Variants in HCN1 observed in about 807,000 individuals in gnomAD.
The protein encoded by HCN1 is hyperpolarization activated cyclic nucleotide gated potassium channel 1, also known as potassium/sodium hyperpolarization-activated cyclic nucleotide-gated channel 1.
Under a neutral mutation model 78.9 loss-of-function variants are expected in HCN1, and 13 were observed. The ratio of observed to expected loss-of-function variants is 0.16; its 90% CI spans 0.11 to 0.26. HCN1 has a LOEUF of 0.26. Among genes scored for constraint, HCN1 ranks in the 10% least tolerant of loss-of-function variants. HCN1 has a pLI of 1.00. For synonymous variants in HCN1, 552 were observed against 455.5 expected, an observed-to-expected ratio of 1.21 and a Z score of -2.70; for missense variants, 810 against 1,154.3, an observed-to-expected ratio of 0.70 and a Z score of 4.32.
intron 2 of HCN1, among the ~76,000 whole-genome samples, chr5:45,493,558 T>C (rs543235433): frequency 1.3e-5 from 2 of 152,182 alleles, no homozygotes; most frequent in Admixed American, 1.3e-4. Context: ...TATTTACCAA[T>C]GTATTTCAAT....
At chr5:45,485,820 A>G (rs2111686405) in intron 2 of HCN1, among the ~76,000 whole-genome samples, 1 of 152,284 alleles carries the variant, frequency 6.6e-6, no homozygotes, top group South Asian at 2.1e-4. Context: ...AGGTCACTAA[A>G]GAAGCATCAA....
intron 5 of HCN1, among the ~76,000 whole-genome samples, chr5:45,337,767 A>G (rs1746494164): frequency 6.6e-6 from 1 of 152,124 alleles, no homozygotes; most frequent in Non-Finnish European, 1.5e-5. Context: ...AATGACTGAG[A>G]GGGAACTAAT....
chr5:45,425,776 A>G (rs1247872454), intron 3 of HCN1, among the ~76,000 whole-genome samples: 1 of 152,240 alleles, frequency 6.6e-6, no homozygotes, highest in Admixed American at 6.5e-5. Context: ...ATTGATTAAG[A>G]GATTTTACCG....
intron 2 of HCN1, among the ~76,000 whole-genome samples, chr5:45,512,451 T>C (rs1304550806): frequency 6.6e-6 from 1 of 152,150 alleles, no homozygotes; most frequent in East Asian, 1.9e-4. Context: ...ATAGGGCTAC[T>C]TTCCAGACCT....
chr5:45,629,360 C>T (rs1318064578), intron 2 of HCN1, among the ~76,000 whole-genome samples: 2 of 152,200 alleles, frequency 1.3e-5, no homozygotes, highest in East Asian at 3.9e-4. Flanking sequence ...TTGACTATTA[C>T]AGAACATTCT....
At chr5:45,669,178 A>G (rs1580037895) in intron 1 of HCN1, among the ~76,000 whole-genome samples, 1 of 151,988 alleles carries the variant, frequency 6.6e-6, no homozygotes, top group East Asian at 1.9e-4. Context: ...AGAGAGTTAG[A>G]GCAACTTTAA....
chr5:45,316,810 C>A (rs957407848), intron 5 of HCN1, among the ~76,000 whole-genome samples: 1 of 152,154 alleles, frequency 6.6e-6, no homozygotes, highest in Non-Finnish European at 1.5e-5. Context: ...AACTCCCATT[C>A]ACAATTGCTT....
chr5:45,425,933 T>C (rs574161535), intron 3 of HCN1, among the ~76,000 whole-genome samples: 1 of 152,132 alleles, frequency 6.6e-6, no homozygotes, highest in Non-Finnish European at 1.5e-5. Flanking sequence ...ATAAAAAGCA[T>C]ATAACAAACT....
chr5:45,286,043 A>G (rs1295990395), intron 6 of HCN1, among the ~76,000 whole-genome samples: 6 of 151,940 alleles, frequency 3.9e-5, no homozygotes, highest in Non-Finnish European at 7.4e-5. Context: ...AGTTTCTAAG[A>G]TTCTCAGAAA....
chr5:45,511,878 T>A (rs1579941047), intron 2 of HCN1, among the ~76,000 whole-genome samples: 1 of 152,060 alleles, frequency 6.6e-6, no homozygotes, highest in Non-Finnish European at 1.5e-5. Flanking sequence ...TGTTAATAAA[T>A]AGAAGAAACT....
At chr5:45,295,477 G>T (rs1344789341) in intron 6 of HCN1, among the ~76,000 whole-genome samples, 3 of 151,980 alleles carry the variant, frequency 2.0e-5, no homozygotes, top group African/African-American at 7.2e-5. Context: ...CCTCTGCTAA[G>T]AAGACTGGAT....
chr5:45,269,529 G>T (rs1383543363), intron 6 of HCN1, among the ~76,000 whole-genome samples: 1 of 152,084 alleles, frequency 6.6e-6, no homozygotes, highest in African/African-American at 2.4e-5. Context: ...CTCTGGTAAT[G>T]TTGCAGAATT....
chr5:45,687,196 T>A (rs1412452409), intron 1 of HCN1, among the ~76,000 whole-genome samples: 1 of 152,186 alleles, frequency 6.6e-6, no homozygotes, highest in Non-Finnish European at 1.5e-5. Flanking sequence ...TTGTTGCTTA[T>A]TCAATGGTGT....
intron 4 of HCN1, among the ~76,000 whole-genome samples, chr5:45,387,135 T>C (rs1386361422): frequency 6.6e-6 from 1 of 151,882 alleles, no homozygotes; most frequent in Non-Finnish European, 1.5e-5. Flanking sequence ...TGTCCCAAAG[T>C]GGTTTATAGT....
At position 45,363,774 on chromosome 5, in the gene HCN1, C is replaced by T. The variant is rs139610052; in HGVS notation, c.1231-10528G>A. Among the ~76,000 whole-genome samples the T allele has an allele frequency of 6.4e-4, 98 of 152,094 alleles. 1 individual carries two copies. The East Asian group carries it at 0.011, about 17-fold the overall frequency. On this transcript the variant is annotated intron_variant, in intron 4 of 7. Coordinates refer to ENST00000303230, the MANE Select transcript of HCN1 (RefSeq NM_021072.4). ...TCAGGGGTTTCCGCTTTTGCTTCCT[C>T]CTCATTTTCTTTTGCTGTCGCCAAA...
chr5:45,321,684 C>T (rs1040874270), intron 5 of HCN1, among the ~76,000 whole-genome samples: 2 of 150,940 alleles, frequency 1.3e-5, no homozygotes, highest in African/African-American at 4.9e-5. Flanking sequence ...AGCTTGAATG[C>T]CATATTTTAC....
intron 3 of HCN1, among the ~76,000 whole-genome samples, chr5:45,415,345 A>C (rs531253438): frequency 2.0e-5 from 3 of 152,012 alleles, no homozygotes; most frequent in African/African-American, 7.2e-5. Flanking sequence ...TCCCATGCTT[A>C]AAGTTTCCTC....
chr5:45,403,715 G>A (rs1739867899), intron 3 of HCN1, among the ~76,000 whole-genome samples: 1 of 152,030 alleles, frequency 6.6e-6, no homozygotes, highest in African/African-American at 2.4e-5. Context: ...AGGGCTCAAG[G>A]AGAAAAAATA....
At chr5:45,616,858 A>C (rs191943177) in intron 2 of HCN1, among the ~76,000 whole-genome samples, 1 of 152,144 alleles carries the variant, frequency 6.6e-6, no homozygotes, top group African/African-American at 2.4e-5. Flanking sequence ...ACATACAACC[A>C]TGCTTCCAAA....
Sources: allele counts gnomAD v4.1 joint callset (sites outside exome capture counted in the v4.1 genomes callset), GRCh38; gene constraint gnomAD v4.1.1; transcripts MANE v1.5; gene names NCBI Gene and HGNC (gene_info 2026-07-23, HGNC 2026-07-21).